The following NIBAN1 variants were observed in gnomAD, a reference collection of about 807,000 sequenced individuals.
The protein encoded by NIBAN1 is protein Niban 1.
NIBAN1 carries 81 observed loss-of-function variants against 75.1 expected under a neutral mutation model. The ratio of observed to expected loss-of-function variants is 1.08; its 90% CI spans 0.90 to 1.30. The LOEUF (loss-of-function observed/expected upper bound fraction) is 1.30. Ranked by LOEUF, NIBAN1 falls within the 50% of genes most tolerant of loss-of-function variation. The probability of loss-of-function intolerance (pLI) is 0.00; values close to 1 mark genes in which losing one functional copy is unlikely to be tolerated. For synonymous variants in NIBAN1, 436 were observed against 424.8 expected (o/e 1.03, Z -0.32); for missense variants, 1,133 against 1,128.1 (o/e 1.00, Z -0.06).
intron 1 of NIBAN1, among the ~76,000 whole-genome samples, chr1:184,943,435 T>C (rs949182270): frequency 2.0e-5 from 3 of 152,306 alleles, no homozygotes; most frequent in Middle Eastern, 3.4e-3. Flanking sequence ...AATGCACCAA[T>C]GCCATTTCTT....
At position 184,882,861 on chromosome 1, in the gene NIBAN1, C is replaced by T. The variant is rs187399746; in HGVS notation, c.601+1772G>A. ...GTAGTGGAAAATGAGCTAAAGGGTG[C>T]AGTCAGTGCTGGGCAATTTTTTGTC... On this transcript the variant is annotated intron_variant, in intron 5 of 13. Transcript: ENST00000367511. 2.6e-3 allele frequency among the ~76,000 whole-genome samples: 399 copies of T among 152,276 alleles called. 1 individual carries two copies. Among genetic ancestry groups the T allele is most frequent in the Middle Eastern group, 6.8e-3 (2 of 294 alleles).
intron 1 of NIBAN1, among the ~76,000 whole-genome samples, chr1:184,935,790 G>GTT (rs11436535): frequency 1.1e-3 from 163 of 143,232 alleles, no homozygotes; most frequent in East Asian, 3.9e-3. Flanking sequence ...AAGAGTTAGG[G>GTT]TTTTTTTTTT....
chr1:184,912,157 T>G (rs1196157696), intron 1 of NIBAN1, among the ~76,000 whole-genome samples: 1 of 152,200 alleles, frequency 6.6e-6, no homozygotes, highest in Non-Finnish European at 1.5e-5. Flanking sequence ...CATATATGTA[T>G]GTAAATATAT....
At chr1:184,843,368 A>G (rs1056110010) in intron 5 of NIBAN1, among the ~76,000 whole-genome samples, 5 of 152,022 alleles carry the variant, frequency 3.3e-5, no homozygotes, top group African/African-American at 1.2e-4. Flanking sequence ...GTTTTTTTTC[A>G]AAGCCTTACA....
At chr1:184,961,608 T>G (rs924640278) in intron 1 of NIBAN1, among the ~76,000 whole-genome samples, 1 of 152,224 alleles carries the variant, frequency 6.6e-6, no homozygotes, top group Non-Finnish European at 1.5e-5. Flanking sequence ...TGATTCTGTT[T>G]GGGTATCCAT....
chr1:184,904,469 GC>G (rs1314789979), intron 1 of NIBAN1, among the ~76,000 whole-genome samples: 7 of 152,050 alleles, frequency 4.6e-5, no homozygotes, highest in African/African-American at 1.7e-4. Flanking sequence ...ATATCTGCTG[GC>G]CCCTTTGAAG....
chr1:184,802,191 A>G (rs1290061799), intron 12 of NIBAN1, among the ~76,000 whole-genome samples: 1 of 152,250 alleles, frequency 6.6e-6, no homozygotes, highest in Non-Finnish European at 1.5e-5. Flanking sequence ...CTGATATAAT[A>G]TCCTCCATTA....
At chr1:184,871,242 G>A (rs1317271564) in intron 5 of NIBAN1, among the ~76,000 whole-genome samples, 1 of 151,342 alleles carries the variant, frequency 6.6e-6, no homozygotes, top group Non-Finnish European at 1.5e-5. Flanking sequence ...AGCTGCTTGG[G>A]AGGCTGAGGC....
chr1:184,957,407 C>A (rs1410847067), intron 1 of NIBAN1, among the ~76,000 whole-genome samples: 2 of 152,182 alleles, frequency 1.3e-5, no homozygotes, highest in African/African-American at 2.4e-5. Context: ...TTGAAAAGAA[C>A]CTAATTAGTA....
chr1:184,860,135 G>A (rs1655778128), intron 5 of NIBAN1, among the ~76,000 whole-genome samples: 1 of 152,042 alleles, frequency 6.6e-6, no homozygotes, highest in Non-Finnish European at 1.5e-5. Flanking sequence ...GGTGTGAGTG[G>A]GGTTGGAATC....
intron 9 of NIBAN1, among the ~76,000 whole-genome samples, chr1:184,812,039 C>G (rs976902201): frequency 2.6e-5 from 4 of 152,212 alleles, no homozygotes; most frequent in Non-Finnish European, 4.4e-5. Context: ...CCTTTCGCTA[C>G]TAACTAGTGG....
intron 5 of NIBAN1, among the ~76,000 whole-genome samples, chr1:184,875,070 G>A (rs80287589): frequency 0.01 from 1,564 of 152,058 alleles, 25 homozygotes; most frequent in African/African-American, 0.036. Context: ...TAAGTAACTC[G>A]TAAGTTAAAA....
At chr1:184,901,323 TC>T (rs991048378) in intron 1 of NIBAN1, among the ~76,000 whole-genome samples, 8 of 152,208 alleles carry the variant, frequency 5.3e-5, no homozygotes, top group Middle Eastern at 3.2e-3. Context: ...ATAATTTGAA[TC>T]AGGCATGCTT....
intron 5 of NIBAN1, among the ~76,000 whole-genome samples, chr1:184,878,068 A>G (rs914970879): frequency 3.3e-5 from 5 of 152,186 alleles, no homozygotes; most frequent in African/African-American, 1.2e-4. Context: ...ATGGGGTGGA[A>G]GTCTGTGATT....
chr1:184,836,690 G>A (rs754653960), intron 5 of NIBAN1, among the ~76,000 whole-genome samples: 1 of 152,144 alleles, frequency 6.6e-6, no homozygotes, highest in African/African-American at 2.4e-5. Flanking sequence ...AATCAAATGA[G>A]CCACAAGAGA....
At chr1:184,944,198 T>C (rs1350847120) in intron 1 of NIBAN1, among the ~76,000 whole-genome samples, 2 of 152,220 alleles carry the variant, frequency 1.3e-5, no homozygotes, top group African/African-American at 2.4e-5. Flanking sequence ...TGAAAGGCTC[T>C]GTGCAGATAA....
At position 184,899,223 on chromosome 1, in the gene NIBAN1, C is replaced by T. The variant is rs1375837612; in HGVS notation, c.142G>A (p.Val48Ile). 6.2e-7 allele frequency: 1 copy of T among 1,613,870 alleles called. No individual in the cohort carries two copies. The highest frequency in any genetic ancestry group is 8.5e-7 in the Non-Finnish European group (1 of 1,179,894). The change falls in exon 2 of 14, where the codon GTA becomes ATA. Residue 48 changes from valine to isoleucine, a missense_variant. Transcript: ENST00000367511. ...GACGTTAAATCTCTTTGCTGTTCTA[C>T]TTCAGTGCGCACGTGATTGCAGAAA... ...VAFCNHVRTE[V>I]EQQRDLTSQF...
rs564348091 is a variant in NIBAN1, at chr1:184,897,063, T to C, written c.186+2116A>G. 9.2e-5 allele frequency among the ~76,000 whole-genome samples: 14 copies of C among 152,304 alleles called. 2 individuals carry two copies. The highest frequency in any genetic ancestry group is 8.5e-4 in the Admixed American group (13 of 15,296). ...CCCTATGAACTTTAGGATTAATTTT[T>C]CTAATTTTGTGTAAGATGACATTGG... is the stretch of plus-strand genomic sequence containing the variant. On this transcript the variant is annotated intron_variant, in intron 2 of 13. Coordinates refer to ENST00000367511, the MANE Select transcript of NIBAN1 (RefSeq NM_052966.4).
At chr1:184,917,245 C>G (rs1657409585) in intron 1 of NIBAN1, among the ~76,000 whole-genome samples, 1 of 151,410 alleles carries the variant, frequency 6.6e-6, no homozygotes, top group African/African-American at 2.4e-5. Context: ...CACTCTGTCG[C>G]CCAGGCTGGA....
Sources: gnomAD v4.1 joint callset for allele counts (sites outside exome capture counted in the v4.1 genomes callset) on GRCh38, gnomAD v4.1.1 for gene constraint, MANE v1.5 for transcripts, NCBI Gene and HGNC (gene_info 2026-07-23, HGNC 2026-07-21) for gene names.